PAM: variants seen among roughly 807,000 people sequenced by gnomAD.
The protein encoded by PAM is peptidylglycine alpha-amidating monooxygenase, also known as peptidyl-glycine alpha-amidating monooxygenase.
Under a neutral mutation model 122.1 loss-of-function variants are expected in PAM, and 72 were observed. The ratio of observed to expected loss-of-function variants is 0.59; its 90% CI spans 0.49 to 0.72. The LOEUF (loss-of-function observed/expected upper bound fraction) is 0.72, where lower values mean the gene tolerates loss of function less well. PAM is among the 30% of genes least tolerant of loss of function. PAM has a pLI of 0.00. For synonymous variants in PAM, 389 were observed against 404.4 expected (o/e 0.96, Z 0.46); for missense variants, 1,106 against 1,183.7 (o/e 0.93, Z 0.96).
chr5:102,780,871 C>T (rs1463376456), intron 1 of PAM, among the ~76,000 whole-genome samples: 4 of 141,246 alleles, frequency 2.8e-5, no homozygotes, highest in Admixed American at 7.5e-5. Context: ...TTCTTTCTTT[C>T]TCCTTTCATA....
intron 1 of PAM, among the ~76,000 whole-genome samples, chr5:102,841,406 TAC>T (rs35825092): frequency 0.067 from 9,320 of 138,114 alleles, 271 homozygotes; most frequent in African/African-American, 0.083. Context: ...CACCTACAAA[TAC>T]ACACACACAC....
intron 1 of PAM, among the ~76,000 whole-genome samples, chr5:102,783,623 A>G (rs1182776468): frequency 6.6e-6 from 1 of 152,208 alleles, no homozygotes; most frequent in Admixed American, 6.5e-5. Flanking sequence ...GAACGAATAT[A>G]TATGAAGACC....
chr5:102,769,556 CATTCTTTTCCATAT>C (rs1238876641), intron 1 of PAM, among the ~76,000 whole-genome samples: 3 of 152,080 alleles, frequency 2.0e-5, no homozygotes, highest in Non-Finnish European at 4.4e-5. Flanking sequence ...GGTCTAGTTT[CATTCTTTTCCATAT>C]GAGTATCCAG....
chr5:102,788,710 G>A (rs941988591), intron 1 of PAM, among the ~76,000 whole-genome samples: 1 of 152,080 alleles, frequency 6.6e-6, no homozygotes, highest in African/African-American at 2.4e-5. Context: ...TTGATGATAT[G>A]AAGTTAAATA....
intron 3 of PAM, among the ~76,000 whole-genome samples, chr5:102,890,395 T>A (rs1201360183): frequency 6.6e-6 from 1 of 151,954 alleles, no homozygotes; most frequent in Non-Finnish European, 1.5e-5. Context: ...TTGCCGTGGT[T>A]AATTAGAAGT....
chr5:102,980,216 T>C (rs1769287075), intron 15 of PAM, among the ~76,000 whole-genome samples: 1 of 152,142 alleles, frequency 6.6e-6, no homozygotes, highest in African/African-American at 2.4e-5. Context: ...AGGTCATGGG[T>C]AAGAAATTTG....
chr5:102,934,020 T>C (rs563141806), intron 7 of PAM, among the ~76,000 whole-genome samples: 2 of 152,322 alleles, frequency 1.3e-5, no homozygotes, highest in Admixed American at 6.5e-5. Flanking sequence ...TCCAGTGAGA[T>C]ACATTAATCC....
intron 1 of PAM, among the ~76,000 whole-genome samples, chr5:102,835,501 T>G (rs1776767876): frequency 6.6e-6 from 1 of 152,148 alleles, no homozygotes; most frequent in Non-Finnish European, 1.5e-5. Flanking sequence ...ATTCACCTTT[T>G]CTTTTTGTAG....
At chr5:102,960,871 G>C (rs942893174) in intron 13 of PAM, among the ~76,000 whole-genome samples, 1 of 144,426 alleles carries the variant, frequency 6.9e-6, no homozygotes, top group Non-Finnish European at 1.5e-5. Flanking sequence ...AAACAAATAT[G>C]AGTCATTTTG....
At chr5:102,835,569 C>G (rs73189057) in intron 1 of PAM, among the ~76,000 whole-genome samples, 1 of 151,802 alleles carries the variant, frequency 6.6e-6, no homozygotes, top group Admixed American at 6.6e-5. Flanking sequence ...AAGAACCCCA[C>G]AAGTGTGAGG....
At chr5:102,982,006 C>G (rs1161438656) in intron 15 of PAM, among the ~76,000 whole-genome samples, 1 of 152,132 alleles carries the variant, frequency 6.6e-6, no homozygotes, top group African/African-American at 2.4e-5. Context: ...CATCAGAGAG[C>G]CTGAAGACAG....
intron 22 of PAM, 36 bp downstream of exon 22, chr5:103,017,469 C>T: frequency 7.7e-7 from 1 of 1,303,118 alleles, no homozygotes; most frequent in East Asian, 2.3e-5. Flanking sequence ...CACATTTTCC[C>T]TCAGTTTGAT....
At chr5:102,971,192 G>A (rs1231595077) in intron 14 of PAM, among the ~76,000 whole-genome samples, 1 of 152,174 alleles carries the variant, frequency 6.6e-6, no homozygotes, top group Non-Finnish European at 1.5e-5. Context: ...ATAAACCACA[G>A]GTTGAAGCAG....
chr5:102,816,323 C>T (rs2150258315), intron 1 of PAM, among the ~76,000 whole-genome samples: 1 of 152,246 alleles, frequency 6.6e-6, no homozygotes. Context: ...AGAATTAAGG[C>T]ATTCTCTGCC....
intron 1 of PAM, among the ~76,000 whole-genome samples, chr5:102,801,915 A>T (rs1434243881): frequency 5.4e-5 from 8 of 149,360 alleles, no homozygotes. Context: ...AGTAGCTGGG[A>T]CTACAGGCGC....
At chr5:102,862,161 C>T (rs1784355969) in intron 1 of PAM, among the ~76,000 whole-genome samples, 1 of 140,904 alleles carries the variant, frequency 7.1e-6, no homozygotes. Flanking sequence ...CAAAGTAAGA[C>T]CCTGTCTCAA....
intron 23 of PAM, 133 bp downstream of exon 23, chr5:103,019,976 T>C (rs1315516858): frequency 3.0e-5 from 21 of 699,858 alleles, no homozygotes; most frequent in Middle Eastern, 2.4e-4. Flanking sequence ...ACTTCTGCTA[T>C]GTACTGAGCC....
At chr5:102,821,387 G>A (rs1771844952) in intron 1 of PAM, among the ~76,000 whole-genome samples, 1 of 152,180 alleles carries the variant, frequency 6.6e-6, no homozygotes, top group Admixed American at 6.6e-5. Flanking sequence ...CCTGAACACA[G>A]ACTCACTCAC....
intron 7 of PAM, among the ~76,000 whole-genome samples, chr5:102,927,096 T>C (rs1443768018): frequency 1.3e-5 from 2 of 151,828 alleles, no homozygotes; most frequent in African/African-American, 4.8e-5. Flanking sequence ...CTCAGGCTCA[T>C]GTCGATTCCT....
Sources: gnomAD v4.1 joint callset for allele counts (sites outside exome capture counted in the v4.1 genomes callset) on GRCh38, gnomAD v4.1.1 for gene constraint, MANE v1.5 for transcripts, NCBI Gene and HGNC (gene_info 2026-07-23, HGNC 2026-07-21) for gene names.